CALN1: variants seen among roughly 807,000 people sequenced by gnomAD.
The protein encoded by CALN1 is calneuron 1.
Under a neutral mutation model 30.6 loss-of-function variants are expected in CALN1, and 17 were observed. That is an observed-to-expected ratio of 0.56 (90% CI 0.38 to 0.83). CALN1 has a LOEUF of 0.83. Ranked by LOEUF, CALN1 falls within the 40% of genes least tolerant of loss-of-function variation. The pLI is 0.00. For synonymous variants in CALN1, 156 were observed against 131.4 expected, an observed-to-expected ratio of 1.19 and a Z score of -1.28; for missense variants, 291 against 354.9, an observed-to-expected ratio of 0.82 and a Z score of 1.45.
At chr7:72,302,907 A>C (rs1462873167) in intron 2 of CALN1, among the ~76,000 whole-genome samples, 3 of 150,024 alleles carry the variant, frequency 2.0e-5, no homozygotes, top group Admixed American at 2.0e-4. Context: ...AAAAAAAAAA[A>C]AAAAAAAAAA....
intron 4 of CALN1, among the ~76,000 whole-genome samples, chr7:72,080,503 G>A (rs1449369712): frequency 6.6e-6 from 1 of 152,162 alleles, no homozygotes; most frequent in African/African-American, 2.4e-5. Flanking sequence ...GCACATAGAG[G>A]GTGTTCAACT....
intron 5 of CALN1, among the ~76,000 whole-genome samples, chr7:71,844,844 A>T (rs1409464667): frequency 6.6e-6 from 1 of 152,226 alleles, no homozygotes; most frequent in Non-Finnish European, 1.5e-5. Flanking sequence ...TTTAAATTGG[A>T]AACAACATAC....
At chr7:71,932,685 C>T (rs1795617546) in intron 5 of CALN1, among the ~76,000 whole-genome samples, 1 of 151,144 alleles carries the variant, frequency 6.6e-6, no homozygotes, top group Admixed American at 6.6e-5. Context: ...GGCGTGGTGG[C>T]GGGCACCTGT....
intron 5 of CALN1, among the ~76,000 whole-genome samples, chr7:71,899,866 A>G (rs1793755059): frequency 6.6e-6 from 1 of 152,230 alleles, no homozygotes; most frequent in Admixed American, 6.5e-5. Flanking sequence ...AAATGAGGTG[A>G]AATTCTCATC....
chr7:71,925,187 G>T (rs1430953063), intron 5 of CALN1, among the ~76,000 whole-genome samples: 1 of 152,160 alleles, frequency 6.6e-6, no homozygotes, highest in Non-Finnish European at 1.5e-5. Context: ...GCTGCAGTGA[G>T]CTGAGATTGT....
At chr7:71,945,852 A>C (rs904111374) in intron 5 of CALN1, among the ~76,000 whole-genome samples, 1 of 152,226 alleles carries the variant, frequency 6.6e-6, no homozygotes, top group African/African-American at 2.4e-5. Flanking sequence ...TGGTTGCATT[A>C]TCTGAAAACC....
chr7:72,384,900 A>G (rs531348770), intron 2 of CALN1, among the ~76,000 whole-genome samples: 73 of 152,320 alleles, frequency 4.8e-4, no homozygotes, highest in Non-Finnish European at 7.8e-4. Flanking sequence ...TTGAGAACGC[A>G]TATCTGATAA....
At chr7:72,164,349 CAAAAAAA>C (rs71531792) in intron 3 of CALN1, among the ~76,000 whole-genome samples, 1 of 117,450 alleles carries the variant, frequency 8.5e-6, no homozygotes. Flanking sequence ...AACACTCCGT[CAAAAAAA>C]AAAAAAAAAA....
chr7:72,449,369 C>T (rs1808610747), upstream of CALN1, among the ~76,000 whole-genome samples: 1 of 152,174 alleles, frequency 6.6e-6, no homozygotes, highest in Admixed American at 6.5e-5. Flanking sequence ...GGAATGGCCA[C>T]AATCTCCCAG....
chr7:72,281,483 C>G (rs1174061480), intron 2 of CALN1, among the ~76,000 whole-genome samples: 1 of 152,166 alleles, frequency 6.6e-6, no homozygotes, highest in Non-Finnish European at 1.5e-5. Flanking sequence ...CAGCTGTTAT[C>G]TTAACATGTT....
intron 2 of CALN1, among the ~76,000 whole-genome samples, chr7:72,285,420 T>G (rs1442175165): frequency 1.3e-5 from 2 of 152,094 alleles, no homozygotes; most frequent in Non-Finnish European, 2.9e-5. Flanking sequence ...ATTTTTTGTA[T>G]TTTTAGTAGA....
chr7:71,788,737 A>T (rs538729163), intron 6 of CALN1, among the ~76,000 whole-genome samples: 175 of 151,814 alleles, frequency 1.2e-3, no homozygotes, highest in Non-Finnish European at 2.0e-3. Flanking sequence ...GGCTCACTAC[A>T]AGCTCCACCT....
At chr7:71,796,403 G>A (rs1385054894) in intron 6 of CALN1, among the ~76,000 whole-genome samples, 4 of 141,084 alleles carry the variant, frequency 2.8e-5, no homozygotes, top group South Asian at 2.3e-4. Context: ...ACTGTCGCCC[G>A]GGCTGGTGTG....
At chr7:72,057,789 T>C (rs1441735903) in intron 4 of CALN1, among the ~76,000 whole-genome samples, 1 of 152,192 alleles carries the variant, frequency 6.6e-6, no homozygotes, top group Non-Finnish European at 1.5e-5. Context: ...ATTTCTCCAT[T>C]GATCCCCTAT....
At chr7:72,343,848 T>C (rs192933872) in intron 2 of CALN1, among the ~76,000 whole-genome samples, 16 of 152,236 alleles carry the variant, frequency 1.1e-4, no homozygotes, top group East Asian at 5.8e-4. Context: ...CTTTCAAATC[T>C]AGGGCGGTAA....
At chr7:71,881,023 C>G (rs969603866) in intron 5 of CALN1, among the ~76,000 whole-genome samples, 37 of 152,326 alleles carry the variant, frequency 2.4e-4, no homozygotes, top group Admixed American at 2.4e-3. Flanking sequence ...AATCAGCTAC[C>G]TGCACAGCCA....
At chr7:72,214,120 A>C (rs1792602404) in intron 3 of CALN1, among the ~76,000 whole-genome samples, 1 of 152,290 alleles carries the variant, frequency 6.6e-6, no homozygotes, top group African/African-American at 2.4e-5. Flanking sequence ...ATGCACAAAC[A>C]GTTTGGTGAC....
At chr7:72,140,028 C>T (rs538424727) in intron 3 of CALN1, among the ~76,000 whole-genome samples, 6 of 151,970 alleles carry the variant, frequency 3.9e-5, no homozygotes, top group African/African-American at 1.4e-4. Flanking sequence ...CTCAGCAATT[C>T]GGGAGACTGA....
chr7:72,475,703 G>A, the CALN1 span, among the ~76,000 whole-genome samples: 1 of 152,144 alleles, frequency 6.6e-6, no homozygotes, highest in South Asian at 2.1e-4. Context: ...ATTTAGACAA[G>A]CTTGGCTCCA....
Sources: gnomAD v4.1 joint callset for allele counts (sites outside exome capture counted in the v4.1 genomes callset) on GRCh38, gnomAD v4.1.1 for gene constraint, MANE v1.5 for transcripts, NCBI Gene and HGNC (gene_info 2026-07-23, HGNC 2026-07-21) for gene names.